Variants in NEK5 observed in about 807,000 individuals in gnomAD.
NEK5 encodes NIMA related kinase 5.
In NEK5, 88 loss-of-function variants were observed where a neutral mutation model predicts 109.2. The ratio of observed to expected loss-of-function variants is 0.81; its 90% CI spans 0.68 to 0.96. NEK5 has a LOEUF of 0.96. Among genes scored for constraint, NEK5 ranks in the 40% least tolerant of loss-of-function variants. NEK5 has a pLI of 0.00. For synonymous variants in NEK5, 283 were observed against 299.9 expected, an observed-to-expected ratio of 0.94 and a Z score of 0.58; for missense variants, 834 against 920.7, an observed-to-expected ratio of 0.91 and a Z score of 1.22.
At chr13:52,106,984 C>A (rs992396178) in intron 8 of NEK5, among the ~76,000 whole-genome samples, 4 of 152,068 alleles carry the variant, frequency 2.6e-5, no homozygotes, top group Admixed American at 2.0e-4. Context: ...GAGCGGTCAC[C>A]AGACCACATT....
intron 20 of NEK5, among the ~76,000 whole-genome samples, chr13:52,069,643 T>C (rs759069055): frequency 6.6e-6 from 1 of 152,218 alleles, no homozygotes; most frequent in Non-Finnish European, 1.5e-5. Context: ...TTTTGGTTGA[T>C]GAAAGCTTCA....
chr13:52,053,613 C>A (rs1274044144), intron 22 of NEK5, among the ~76,000 whole-genome samples: 1 of 152,090 alleles, frequency 6.6e-6, no homozygotes, highest in Non-Finnish European at 1.5e-5. Flanking sequence ...ATGAAATTCT[C>A]CCCCACCAGG....
Position 52,042,484 on chromosome 13 carries a change from T to G in NEK5, c.2229-5266A>C, listed in dbSNP as rs1049148178. ...TTCCACACTTACAAAAAAAAAAGTGTGGGGGACATGAAGACAGAAAAGAAA... is the reference window on the plus strand; with the variant it reads ...TTCCACACTTACAAAAAAAAAAGTGGGGGGGACATGAAGACAGAAAAGAAA... On this transcript the variant is annotated intron_variant, in intron 23 of 23. Transcript: ENST00000684899. Among the ~76,000 whole-genome samples the G allele has an allele frequency of 2.4e-4, 36 of 150,824 alleles. 1 individual carries two copies. The highest frequency in any genetic ancestry group is 2.2e-3 in the Admixed American group (33 of 15,142).
At chr13:52,070,084 A>G (rs759578762) in intron 20 of NEK5, among the ~76,000 whole-genome samples, 1 of 152,228 alleles carries the variant, frequency 6.6e-6, no homozygotes, top group Non-Finnish European at 1.5e-5. Context: ...TTCCAGAAGG[A>G]AATGAGGCAG....
chr13:52,082,387 A>G, intron 17 of NEK5: 1 of 1,169,846 alleles, frequency 8.5e-7, no homozygotes, highest in South Asian at 1.5e-5. Context: ...CAAAAATAAA[A>G]GCACACTTGG....
At chr13:52,082,682 G>A (rs544624338) in intron 17 of NEK5, among the ~76,000 whole-genome samples, 1 of 152,286 alleles carries the variant, frequency 6.6e-6, no homozygotes, top group East Asian at 1.9e-4. Flanking sequence ...CAGATTTCCT[G>A]ACCAATGTGT....
chr13:52,051,182 A>AT (rs894681826), intron 22 of NEK5, among the ~76,000 whole-genome samples: 16 of 148,798 alleles, frequency 1.1e-4, no homozygotes, highest in South Asian at 4.3e-4. Context: ...TGTTTCCAGA[A>AT]TTTTTTTTTT....
chr13:52,034,872 CTTTTTTTTCTTTT>C lies in NEK5; in HGVS notation c.*2063_*2075del. On this transcript the variant is annotated 3_prime_UTR_variant, in exon 24 of 24. Coordinates refer to ENST00000684899, the MANE Select transcript of NEK5 (RefSeq NM_001365552.1). ...TGTTCATTTACCATCCTTAAACATTCTTTTTTTTCTTTTTTTTTTTTTTTTTTGCCCTTAATTG... is the reference window on the plus strand; with the variant it reads ...TGTTCATTTACCATCCTTAAACATTCTTTTTTTTTTTTTTGCCCTTAATTG... 1.0e-5 allele frequency: 1 copy of C among 96,164 alleles called. No individual in the cohort carries two copies. The highest frequency in any genetic ancestry group is 3.2e-4 in the South Asian group (1 of 3,084). The allele number at this position is 96,164 out of a possible 1,614,324, so 6.0% of individuals were successfully genotyped here.
At chr13:52,050,064 AC>A in intron 23 of NEK5, 39 bp downstream of exon 23, 1 of 734,406 alleles carries the variant, frequency 1.4e-6, no homozygotes, top group Non-Finnish European at 1.7e-6. Flanking sequence ...TTCACTTTGT[AC>A]CAGTGCTCGA....
At chr13:52,053,903 T>A (rs1954529752) in intron 22 of NEK5, among the ~76,000 whole-genome samples, 1 of 152,216 alleles carries the variant, frequency 6.6e-6, no homozygotes, top group African/African-American at 2.4e-5. Context: ...ACCTTGTCCT[T>A]GTTATTCAAT....
intron 19 of NEK5, 133 bp downstream of exon 19, chr13:52,075,625 G>A (rs1430682754): frequency 3.1e-6 from 2 of 641,984 alleles, no homozygotes; most frequent in Admixed American, 3.3e-5. Flanking sequence ...ACCTGCACAT[G>A]TACCACCTGA....
intron 13 of NEK5, among the ~76,000 whole-genome samples, chr13:52,092,393 T>G (rs1955304646): frequency 6.6e-6 from 1 of 151,234 alleles, no homozygotes; most frequent in Non-Finnish European, 1.5e-5. Context: ...TATATGACAT[T>G]CTGATGGAAA....
At chr13:52,104,316 A>G (rs1198713945) in intron 9 of NEK5, among the ~76,000 whole-genome samples, 182 bp downstream of exon 9, 3 of 152,150 alleles carry the variant, frequency 2.0e-5, no homozygotes, top group African/African-American at 7.2e-5. Flanking sequence ...TCCAACTTGG[A>G]CTTTTTACTT....
At position 52,101,997 on chromosome 13, in the gene NEK5, G is replaced by A; in HGVS notation, c.828C>T (p.Phe276=). The change falls in exon 11 of 24, where the codon TTC becomes TTT. Residue 276 remains phenylalanine, a synonymous_variant. Coordinates refer to ENST00000684899, the MANE Select transcript of NEK5 (RefSeq NM_001365552.1). The part of the protein sequence containing the change: ...YLTPEVIQEE[F]SHMLICRAGA... Reference sequence around the variant, plus strand: ...CTGCTCTGCATATAAGCATGTGACTGAATTCTTCCTGAATGACCTAAAACC... The same window carrying A: ...CTGCTCTGCATATAAGCATGTGACTAAATTCTTCCTGAATGACCTAAAACC... 1.2e-6 allele frequency: 2 copies of A among 1,614,072 alleles called. No homozygotes were observed. Among genetic ancestry groups the A allele is most frequent in the Non-Finnish European group, 1.7e-6 (2 of 1,179,992 alleles).
At chr13:52,101,530 C>A (rs1299747111) in intron 11 of NEK5, among the ~76,000 whole-genome samples, 1 of 152,204 alleles carries the variant, frequency 6.6e-6, no homozygotes, top group African/African-American at 2.4e-5. Flanking sequence ...TCCAATGGTC[C>A]TTTGCAACAG....
Position 52,127,608 on chromosome 13 carries a change from T to G in NEK5, c.-36A>C, listed in dbSNP as rs1484828606. On this transcript the variant is annotated 5_prime_UTR_variant, in exon 2 of 24. Coordinates refer to ENST00000684899, the MANE Select transcript of NEK5 (RefSeq NM_001365552.1). The stretch of plus-strand genomic sequence containing the variant: ...AAAAGAACTCACTTAGCTAAAACTT[T>G]CCTCCCAGCCTTGCCAAGACAGAGA... 1.5e-6 allele frequency: 1 copy of G among 649,562 alleles called. No homozygotes were observed. The highest frequency in any genetic ancestry group is 2.8e-6 in the Non-Finnish European group (1 of 363,180). 40.2% of individuals were successfully genotyped at this position (649,562 alleles called of 1,614,324 possible).
rs1395990655 is a variant in NEK5, at chr13:52,036,462, CTT to C, written c.*484_*485del. The C allele has an allele frequency of 2.1e-5, 3 of 144,328 alleles. No homozygotes were observed. The highest frequency in any genetic ancestry group is 3.1e-5 in the Non-Finnish European group (2 of 65,412). 8.9% of individuals were successfully genotyped at this position (144,328 alleles called of 1,614,324 possible). A position where few individuals can be genotyped will look rare whatever the true frequency, so the allele number is the denominator to read the frequency against. On this transcript the variant is annotated 3_prime_UTR_variant, in exon 24 of 24. Transcript: ENST00000684899. ...GCCTACCACATATATTAGCTGAAAG[CTT>C]TTTTTTTTTTTTCTTTTTTTGAGAC...
At chr13:52,101,670 G>A (rs1955534411) in intron 11 of NEK5, among the ~76,000 whole-genome samples, 1 of 147,468 alleles carries the variant, frequency 6.8e-6, no homozygotes, top group Non-Finnish European at 1.5e-5. Flanking sequence ...ACCTCTTCAA[G>A]CATCTCTATT....
At chr13:52,117,326 G>A (rs1038751335) in intron 4 of NEK5, among the ~76,000 whole-genome samples, 6 of 152,148 alleles carry the variant, frequency 3.9e-5, no homozygotes, top group Non-Finnish European at 8.8e-5. Flanking sequence ...AAAAGACAGA[G>A]GCTACAAGGC....
Sources: gnomAD v4.1 joint callset for allele counts (sites outside exome capture counted in the v4.1 genomes callset) on GRCh38, gnomAD v4.1.1 for gene constraint, MANE v1.5 for transcripts, NCBI Gene and HGNC (gene_info 2026-07-23, HGNC 2026-07-21) for gene names.